Variants in GALNT17 observed in about 807,000 individuals in gnomAD.
GALNT17 encodes the protein polypeptide N-acetylgalactosaminyltransferase 17, also known as UDP-GalNAc:polypeptide N-acetylgalactosaminyltransferase-like 3.
A neutral mutation model predicts 63.7 loss-of-function variants in GALNT17; 29 were observed. That is an observed-to-expected ratio of 0.46 (90% CI 0.34 to 0.62). The LOEUF is 0.62. Among genes scored for constraint, GALNT17 ranks in the 20% least tolerant of loss-of-function variants. GALNT17 has a pLI of 0.01. For synonymous variants in GALNT17, 305 were observed against 318.3 expected (o/e 0.96, Z 0.45); for missense variants, 603 against 799.6 (o/e 0.75, Z 2.97).
At chr7:71,145,854 C>T (rs961450779) in intron 1 of GALNT17, among the ~76,000 whole-genome samples, 10 of 151,944 alleles carry the variant, frequency 6.6e-5, no homozygotes, top group East Asian at 1.9e-4. Flanking sequence ...TACAGGCGGC[C>T]GCCACCACAC....
chr7:71,328,033 G>C (rs1173564522), intron 1 of GALNT17, among the ~76,000 whole-genome samples: 1 of 152,104 alleles, frequency 6.6e-6, no homozygotes, highest in South Asian at 2.1e-4. Context: ...GTCCCTATAG[G>C]TCTTTCTCCT....
chr7:71,275,169 A>G (rs17594632), intron 1 of GALNT17, among the ~76,000 whole-genome samples: 5,474 of 152,300 alleles, frequency 0.036, 113 homozygotes, highest in South Asian at 0.062. Context: ...CTCCTTGGTC[A>G]AGTAAATATA....
rs556198250 is a variant in GALNT17 at position 71,292,926 on chromosome 7, C to T, written c.239-42624C>T. On this transcript the variant is annotated intron_variant, in intron 1 of 10. Coordinates refer to ENST00000333538, the MANE Select transcript of GALNT17 (RefSeq NM_022479.3). Reference sequence around the variant, plus strand: ...CTACTTTTATGAATTTGATATTTTTCAATATGTGAGATCATGCGGTACTTT... The same window carrying T: ...CTACTTTTATGAATTTGATATTTTTTAATATGTGAGATCATGCGGTACTTT... Among the ~76,000 whole-genome samples, 7 of 152,150 alleles carry T rather than the reference C, an allele frequency of 4.6e-5. No homozygotes were observed. The South Asian group carries it at 8.3e-4, about 18-fold the overall frequency.
intron 1 of GALNT17, among the ~76,000 whole-genome samples, chr7:71,143,082 G>A (rs1787946832): frequency 6.6e-6 from 1 of 152,112 alleles, no homozygotes. Flanking sequence ...ATAGGTGCGA[G>A]GTAGTGAGAT....
intron 8 of GALNT17, 148 bp downstream of exon 8, chr7:71,670,257 G>T (rs946983417): frequency 1.9e-6 from 2 of 1,070,338 alleles, no homozygotes; most frequent in African/African-American, 1.6e-5. Flanking sequence ...CTCTCTAGCT[G>T]GGGGGTTGGG....
At chr7:71,308,709 G>GGCTCT (rs2047926451) in intron 1 of GALNT17, among the ~76,000 whole-genome samples, 1 of 151,956 alleles carries the variant, frequency 6.6e-6, no homozygotes. Flanking sequence ...AACTGCTCTG[G>GGCTCT]GCTCTGCTTT....
rs779161547 is a variant in GALNT17 at position 71,319,096 on chromosome 7, A to ATCTATCTT, written c.239-16451_239-16450insATCTTTCT. ...TCAGCTTGCTGAGCTATTTTTGTTT[A>ATCTATCTT]TCTTTCTTTCTTTCTTTCTTTCTTT... On this transcript the variant is annotated intron_variant, in intron 1 of 10. Transcript: ENST00000333538. Among the ~76,000 whole-genome samples the ATCTATCTT allele has an allele frequency of 4.8e-4, 63 of 131,976 alleles. 1 individual carries two copies. Among genetic ancestry groups the ATCTATCTT allele is most frequent in the Middle Eastern group, 3.7e-3 (1 of 270 alleles). The allele number at this position is 131,976 out of a possible 152,430, so 86.6% of individuals were successfully genotyped here.
intron 1 of GALNT17, among the ~76,000 whole-genome samples, chr7:71,248,386 G>A (rs1033928103): frequency 3.3e-5 from 5 of 152,250 alleles, no homozygotes; most frequent in African/African-American, 9.6e-5. Context: ...TGGTCTTGCC[G>A]TCTCAGGGGT....
Position 71,189,444 on chromosome 7 carries a change from G to A in GALNT17, c.238+56404G>A, listed in dbSNP as rs555206424. On this transcript the variant is annotated intron_variant, in intron 1 of 10. Transcript: ENST00000333538. ...ACTTGTTCTGCCAACAGAGGTGGTG[G>A]GGGTGGCATGTTTGATGTGTAGGCG... Among the ~76,000 whole-genome samples, 46 of 152,280 alleles carry A rather than the reference G, an allele frequency of 3.0e-4. 2 individuals are homozygous for A. The South Asian group carries it at 9.1e-3, about 30-fold the overall frequency.
chr7:71,401,272 T>A (rs573464845), intron 3 of GALNT17, among the ~76,000 whole-genome samples: 2 of 152,132 alleles, frequency 1.3e-5, no homozygotes, highest in South Asian at 4.2e-4. Context: ...AATTTTAATA[T>A]TTTTAGTACA....
intron 6 of GALNT17, among the ~76,000 whole-genome samples, chr7:71,605,564 G>A (rs182984603): frequency 0.011 from 1,568 of 146,146 alleles, 25 homozygotes; most frequent in African/African-American, 0.038. Context: ...CCAGCCTGGC[G>A]ACAGAGTGAG....
At chr7:71,243,460 T>C (rs1354444601) in intron 1 of GALNT17, among the ~76,000 whole-genome samples, 1 of 152,220 alleles carries the variant, frequency 6.6e-6, no homozygotes, top group Admixed American at 6.5e-5. Flanking sequence ...CGGCTTGCTT[T>C]ATGATGTATA....
At chr7:71,175,843 A>G (rs1040520705) in intron 1 of GALNT17, among the ~76,000 whole-genome samples, 5 of 152,132 alleles carry the variant, frequency 3.3e-5, no homozygotes, top group African/African-American at 7.2e-5. Flanking sequence ...CAAGGCTGCA[A>G]TGAGCCATGT....
chr7:71,309,233 C>T (rs554765338), intron 1 of GALNT17, among the ~76,000 whole-genome samples: 9 of 152,212 alleles, frequency 5.9e-5, no homozygotes, highest in African/African-American at 1.7e-4. Flanking sequence ...TACTCAAAAC[C>T]TTTCTTGGTT....
intron 3 of GALNT17, among the ~76,000 whole-genome samples, chr7:71,395,996 C>T (rs905655341): frequency 6.6e-6 from 1 of 152,136 alleles, no homozygotes; most frequent in Non-Finnish European, 1.5e-5. Flanking sequence ...TTATACTCAT[C>T]TTTATCAAAT....
At chr7:71,701,878 TATGTATATATATATATAC>T (rs1791650893) in intron 9 of GALNT17, among the ~76,000 whole-genome samples, 3 of 101,482 alleles carry the variant, frequency 3.0e-5, no homozygotes, top group Admixed American at 1.0e-4. Flanking sequence ...TACATATATA[TATGTATATATATATATAC>T]ACATATATAT....
intron 3 of GALNT17, among the ~76,000 whole-genome samples, chr7:71,397,945 TTGTTG>T (rs1793169531): frequency 1.2e-4 from 1 of 8,502 alleles, no homozygotes; most frequent in Non-Finnish European, 3.8e-4. Context: ...ATTGTCTTTG[TTGTTG>T]TTGTTGTTGT....
intron 5 of GALNT17, among the ~76,000 whole-genome samples, chr7:71,423,305 ATATGGAAATCCTAATC>A (rs1786700574): frequency 6.6e-6 from 1 of 152,128 alleles, no homozygotes; most frequent in South Asian, 2.1e-4. Flanking sequence ...TGCAGATGTG[ATATGGAAATCCTAATC>A]TCTGGAACCT....
intron 5 of GALNT17, among the ~76,000 whole-genome samples, chr7:71,509,665 C>T (rs932271976): frequency 6.6e-6 from 1 of 152,128 alleles, no homozygotes; most frequent in Admixed American, 6.5e-5. Flanking sequence ...TCCCAAAGAG[C>T]CTGAGGCTAG....
Sources: gnomAD v4.1 joint callset for allele counts (sites outside exome capture counted in the v4.1 genomes callset) on GRCh38, gnomAD v4.1.1 for gene constraint, MANE v1.5 for transcripts, NCBI Gene and HGNC (gene_info 2026-07-23, HGNC 2026-07-21) for gene names.